JARID2: variants seen among roughly 807,000 people sequenced by gnomAD.
JARID2 encodes jumonji and AT-rich interaction domain containing 2.
A neutral mutation model predicts 125.6 loss-of-function variants in JARID2; 21 were observed. The observed-to-expected ratio is 0.17, with a 90% CI of 0.12 to 0.24. The LOEUF (loss-of-function observed/expected upper bound fraction) is 0.24. Among genes scored for constraint, JARID2 ranks in the 10% least tolerant of loss-of-function variants. The pLI is 1.00. For missense variants in JARID2, 1,303 were observed against 1,639.6 expected (o/e 0.79, Z 3.55); for synonymous variants, 736 against 661.6 (o/e 1.11, Z -1.73).
intron 2 of JARID2, among the ~76,000 whole-genome samples, chr6:15,391,385 CAG>C (rs1366304114): frequency 6.6e-6 from 1 of 152,098 alleles, no homozygotes; most frequent in East Asian, 1.9e-4. Context: ...GGAGCCCTAG[CAG>C]AGAGTTTCAG....
chr6:15,429,266 C>CTT (rs898209605), intron 3 of JARID2, among the ~76,000 whole-genome samples: 24 of 144,796 alleles, frequency 1.7e-4, no homozygotes, highest in African/African-American at 3.8e-4. Flanking sequence ...TTTTCTTGTT[C>CTT]TTTTTTTTTT....
In JARID2 at chr6:15,496,598, A is replaced by C; in HGVS notation, c.1373A>C (p.Lys458Thr). ...HQAEKPQSPP[K>T]KMKGAAGPAE... ...GCGGAGAAGCCGCAGTCGCCCCCCA[A>C]GAAGATGAAAGGGGCGGCTGGCCCC... Residue 458 changes from lysine to threonine, a missense_variant, in exon 7 of 18, where the codon AAG becomes ACG. Lys to Thr is a moderately conservative substitution (Grantham distance 78). This residue lies in a region of JARID2 where 651 missense variants were observed against 581.6 expected (regional missense o/e 1.12). Transcript: ENST00000341776. 6.2e-7 allele frequency: 1 copy of C among 1,603,224 alleles called. No individual in the cohort carries two copies. Among genetic ancestry groups the C allele is most frequent in the Non-Finnish European group, 8.5e-7 (1 of 1,176,384 alleles).
chr6:15,490,886 C>T (rs1312394985), intron 6 of JARID2, among the ~76,000 whole-genome samples: 1 of 152,184 alleles, frequency 6.6e-6, no homozygotes, highest in Non-Finnish European at 1.5e-5. Context: ...GGATATTGAA[C>T]CAGATGTGGC....
intron 1 of JARID2, among the ~76,000 whole-genome samples, chr6:15,270,782 T>C (rs1341391916): frequency 6.6e-6 from 1 of 151,996 alleles, no homozygotes; most frequent in Non-Finnish European, 1.5e-5. Context: ...ACCCTGTCTC[T>C]ACTAAAAATA....
chr6:15,280,692 G>C (rs1760717998), intron 1 of JARID2, among the ~76,000 whole-genome samples: 1 of 148,268 alleles, frequency 6.7e-6, no homozygotes, highest in Non-Finnish European at 1.5e-5. Context: ...GCAGCGATGT[G>C]ATCTAGGCTC....
chr6:15,397,993 A>G (rs1765280843), intron 2 of JARID2, among the ~76,000 whole-genome samples: 1 of 152,230 alleles, frequency 6.6e-6, no homozygotes, highest in Admixed American at 6.5e-5. Context: ...TGGATAGGCA[A>G]GCGATATAAT....
At chr6:15,473,353 A>T (rs1351997496) in intron 5 of JARID2, among the ~76,000 whole-genome samples, 1 of 152,130 alleles carries the variant, frequency 6.6e-6, no homozygotes, top group Non-Finnish European at 1.5e-5. Flanking sequence ...ATGGGAGATG[A>T]TGTCTCCTGG....
At chr6:15,512,515 CTT>C (rs1188110081) in intron 14 of JARID2, 125 bp downstream of exon 14, 7 of 906,118 alleles carry the variant, frequency 7.7e-6, no homozygotes, top group African/African-American at 1.7e-5. Context: ...TGGAATATGT[CTT>C]TGAAATTCTT....
At chr6:15,396,308 GTAAT>G (rs1765216275) in intron 2 of JARID2, among the ~76,000 whole-genome samples, 1 of 152,164 alleles carries the variant, frequency 6.6e-6, no homozygotes, top group African/African-American at 2.4e-5. Context: ...TTTTACTTGT[GTAAT>G]TAATGCCTCC....
At chr6:15,394,169 C>T (rs1765129036) in intron 2 of JARID2, among the ~76,000 whole-genome samples, 2 of 152,232 alleles carry the variant, frequency 1.3e-5, no homozygotes, top group South Asian at 4.1e-4. Flanking sequence ...ACACATTTGC[C>T]TTTCCCAGAG....
At chr6:15,366,228 G>T (rs1446538731) in intron 1 of JARID2, among the ~76,000 whole-genome samples, 1 of 152,092 alleles carries the variant, frequency 6.6e-6, no homozygotes, top group Non-Finnish European at 1.5e-5. Context: ...GAAAATAAAA[G>T]GCATTCATGT....
chr6:15,464,218 G>A (rs947583106), intron 4 of JARID2, among the ~76,000 whole-genome samples: 3 of 152,116 alleles, frequency 2.0e-5, no homozygotes, highest in African/African-American at 7.2e-5. Context: ...GGCTTCTCTG[G>A]GTCTGGAATG....
chr6:15,277,107 A>G (rs1357242574), intron 1 of JARID2, among the ~76,000 whole-genome samples: 1 of 152,192 alleles, frequency 6.6e-6, no homozygotes, highest in Non-Finnish European at 1.5e-5. Context: ...GTGCCTTGTT[A>G]AGTAACATAA....
At chr6:15,404,525 A>G (rs1334179789) in intron 2 of JARID2, among the ~76,000 whole-genome samples, 33 of 5,360 alleles carry the variant, frequency 6.2e-3, no homozygotes, top group African/African-American at 0.011. Context: ...AAGTGCACAC[A>G]CACACACACA....
intron 4 of JARID2, among the ~76,000 whole-genome samples, chr6:15,468,126 A>G (rs1204236571): frequency 1.3e-5 from 2 of 150,998 alleles, no homozygotes; most frequent in Non-Finnish European, 3.0e-5. Flanking sequence ...GTGATTTTAT[A>G]TAATGAAATG....
intron 1 of JARID2, among the ~76,000 whole-genome samples, chr6:15,332,845 C>T (rs1016541358): frequency 1.3e-4 from 19 of 151,856 alleles, no homozygotes; most frequent in South Asian, 1.2e-3. Context: ...AGGTTCTTCC[C>T]GTATTCTTCT....
intron 2 of JARID2, chr6:15,400,995 T>C: frequency 7.8e-7 from 1 of 1,289,414 alleles, no homozygotes. Flanking sequence ...TGGTGGCTTA[T>C]CTTGAGGAAC....
intron 7 of JARID2, among the ~76,000 whole-genome samples, chr6:15,498,424 C>T (rs775113018): frequency 3.9e-5 from 6 of 152,166 alleles, no homozygotes; most frequent in Non-Finnish European, 8.8e-5. Context: ...TCCCTGTCAT[C>T]CTCTCTTCAG....
intron 2 of JARID2, among the ~76,000 whole-genome samples, chr6:15,384,127 TTTCTTCTGTGGGCCAGGCCCAAGTGCAC>T (rs879375648): frequency 1.3e-5 from 2 of 152,110 alleles, no homozygotes; most frequent in Non-Finnish European, 1.5e-5. Context: ...GAGATAGGAT[TTTCTTCTGTGGGCCAGGCCCAAGTGCAC>T]TGGGTCGACC....
Sources: gnomAD v4.1 joint callset for allele counts (sites outside exome capture counted in the v4.1 genomes callset) on GRCh38, gnomAD v4.1.1 for gene constraint, gnomAD v4.1.1 regional missense constraint, MANE v1.5 for transcripts, NCBI Gene and HGNC (gene_info 2026-07-23, HGNC 2026-07-21) for gene names.